Variants in CDR2L observed in about 807,000 individuals in gnomAD.
CDR2L encodes the protein cerebellar degeneration-related protein 2-like.
CDR2L carries 19 observed loss-of-function variants against 36.1 expected under a neutral mutation model. The observed-to-expected ratio is 0.53, with a 90% CI of 0.37 to 0.77. The LOEUF is 0.77. CDR2L is among the 30% of genes least tolerant of loss of function. The pLI is 0.00. For missense variants in CDR2L, 575 were observed against 627.2 expected, an observed-to-expected ratio of 0.92 and a Z score of 0.89; for synonymous variants, 285 against 280.4, an observed-to-expected ratio of 1.02 and a Z score of -0.16.
intron 1 of CDR2L, among the ~76,000 whole-genome samples, chr17:74,990,892 G>A (rs2039792740): frequency 6.6e-6 from 1 of 152,242 alleles, no homozygotes; most frequent in Admixed American, 6.5e-5. Context: ...GCCTGTGAGT[G>A]GCCCAGAAAT....
At chr17:74,997,521 A>G (rs2039836933) in intron 1 of CDR2L, among the ~76,000 whole-genome samples, 1 of 152,082 alleles carries the variant, frequency 6.6e-6, no homozygotes, top group African/African-American at 2.4e-5. Flanking sequence ...TAATCTTCCA[A>G]AAAGACAAAT....
chr17:74,993,845 C>T (rs2144858376), intron 1 of CDR2L, among the ~76,000 whole-genome samples: 1 of 152,358 alleles, frequency 6.6e-6, no homozygotes, highest in Admixed American at 6.5e-5. Flanking sequence ...AAACCCAGCC[C>T]TGGAGGCTCC....
chr17:74,991,477 G>C (rs1051028592), intron 1 of CDR2L, among the ~76,000 whole-genome samples: 1 of 151,326 alleles, frequency 6.6e-6, no homozygotes, highest in African/African-American at 2.4e-5. Flanking sequence ...CAGCACTTTG[G>C]GAGGCCGAGG....
chr17:75,001,588 C>T, intron 3 of CDR2L, 99 bp downstream of exon 3: 1 of 1,120,816 alleles, frequency 8.9e-7, no homozygotes, highest in Non-Finnish European at 1.2e-6. Flanking sequence ...TTGTGCACGT[C>T]TCCCTAGGAA....
Position 75,001,373 on chromosome 17 carries a change from C to G in CDR2L, c.225C>G (p.His75Gln), listed in dbSNP as rs1170314951. 4 of 1,610,888 alleles carry G rather than the reference C, an allele frequency of 2.5e-6. No homozygotes were observed. The highest frequency in any genetic ancestry group is 3.4e-6 in the Non-Finnish European group (4 of 1,178,860). ...CCAAGCAGCTGGACACGCTGCGGCA[C>G]GTGAACGAGCAGCACGCCAAAGTCT... ...YLTKQLDTLR[H>Q]VNEQHAKVYE... is the part of the protein sequence containing the mutation. Residue 75 changes from histidine (H) to glutamine (Q), a missense_variant, in exon 3 of 5, where the codon CAC (histidine) becomes CAG (glutamine). By Grantham distance (24) the His-to-Gln change is conservative (BLOSUM62 0). Transcript: ENST00000337231.
intron 1 of CDR2L, among the ~76,000 whole-genome samples, chr17:74,996,695 T>C (rs951420937): frequency 6.6e-6 from 1 of 152,048 alleles, no homozygotes; most frequent in Non-Finnish European, 1.5e-5. Flanking sequence ...TCATTTCCCT[T>C]GGACTGGGGT....
At chr17:74,990,846 C>A (rs1047680653) in intron 1 of CDR2L, among the ~76,000 whole-genome samples, 1 of 152,256 alleles carries the variant, frequency 6.6e-6, no homozygotes, top group Non-Finnish European at 1.5e-5. Flanking sequence ...CATCTCCCAA[C>A]CCACAAATTC....
At chr17:74,997,067 TCTTTCTTTCTTTCTTTC>T (rs751232965) in intron 1 of CDR2L, among the ~76,000 whole-genome samples, 12,035 of 43,536 alleles carry the variant, frequency 0.28, 2,045 homozygotes, top group East Asian at 0.52. Flanking sequence ...TTTCTTTCTT[TCTTTCTTTCTTTCTTTC>T]TTTTTTTTTT....
rs1232272915 is a variant in CDR2L at position 75,003,272 on chromosome 17, T to C, written c.596T>C (p.Val199Ala). 8 of 1,557,018 alleles carry C rather than the reference T, an allele frequency of 5.1e-6. No homozygotes were observed. Among genetic ancestry groups the C allele is most frequent in the Non-Finnish European group, 6.1e-6 (7 of 1,151,510 alleles). Residue 199 changes from valine (V) to alanine (A), a missense_variant, in exon 5 of 5, where the codon GTG (valine) becomes GCG (alanine). By Grantham distance (64) the Val-to-Ala change is moderately conservative. Transcript: ENST00000337231. ...GAGAACGAGCGGCTGCAGACCCTGG[T>C]GGGGGCGCTGCGCTCCCAGGTGAGC... The part of the protein sequence containing the change: ...EQENERLQTL[V>A]GALRSQVSQE...
chr17:74,997,878 G>A (rs1450731991), intron 1 of CDR2L, among the ~76,000 whole-genome samples: 2 of 149,476 alleles, frequency 1.3e-5, no homozygotes, highest in African/African-American at 2.5e-5. Context: ...GGGCGTGGTA[G>A]TGGGTGCCTG....
At chr17:74,998,181 C>G (rs186772940) in intron 1 of CDR2L, among the ~76,000 whole-genome samples, 1 of 151,714 alleles carries the variant, frequency 6.6e-6, no homozygotes, top group Non-Finnish European at 1.5e-5. Flanking sequence ...GCCAAGATCG[C>G]GCCACTGCAC....
chr17:75,002,047 C>T lies in CDR2L; in HGVS notation c.342-17C>T. 1 of 1,552,424 alleles carries T rather than the reference C, an allele frequency of 6.4e-7. No individual in the cohort carries two copies. Among genetic ancestry groups the T allele is most frequent in the Non-Finnish European group, 8.7e-7 (1 of 1,154,790 alleles). ...CATCCCCTTAAAGTCCCTGTGTGTC[C>T]ACCACCCCGCCCCCAGGCTGACGGA... On this transcript the variant is annotated splice_polypyrimidine_tract_variant and intron_variant, in intron 3 of 4. Coordinates refer to ENST00000337231, the MANE Select transcript of CDR2L (RefSeq NM_014603.3). This position sits in a 1 kb window ranked among gnomAD's most constrained non-coding sequence, Gnocchi z 4.1.
rs1335551216 is a variant in CDR2L at position 75,004,212 on chromosome 17, G to T, written c.*138G>T. On this transcript the variant is annotated 3_prime_UTR_variant, in exon 5 of 5. Transcript: ENST00000337231. ...CGGCCTCCTGATCCGGAAGCACGCA[G>T]CATGTTCCCTGCTGAGCGGAGGCAG... 2.7e-6 allele frequency: 2 copies of T among 734,910 alleles called. No homozygotes were observed. The highest frequency in any genetic ancestry group is 4.4e-6 in the Non-Finnish European group (2 of 457,976). The allele number at this position is 734,910 out of a possible 1,614,324, so 45.5% of individuals were successfully genotyped here.
At chr17:75,001,025 G>A (rs951710491) in intron 2 of CDR2L, among the ~76,000 whole-genome samples, 1 of 151,666 alleles carries the variant, frequency 6.6e-6, no homozygotes, top group African/African-American at 2.4e-5. Context: ...CTTGAGGTCA[G>A]GAGTTCAAGA....
rs2039872270 is a variant in CDR2L at position 75,002,295 on chromosome 17, AGCAGGGT to A, written c.506+72_506+78del. ...ATGGGAGGAAGGAGAGGCAGCAGGC[AGCAGGGT>A]GCAGTTGGTGCATCATCCAGGCCAT... On this transcript the variant is annotated intron_variant, in intron 4 of 4. Coordinates refer to ENST00000337231, the MANE Select transcript of CDR2L (RefSeq NM_014603.3). This position sits in a 1 kb window ranked among gnomAD's most constrained non-coding sequence, Gnocchi z 4.1. 7.0e-7 allele frequency: 1 copy of A among 1,422,134 alleles called. No individual in the cohort carries two copies. Among genetic ancestry groups the A allele is most frequent in the South Asian group, 1.2e-5 (1 of 80,240 alleles). The allele number at this position is 1,422,134 out of a possible 1,614,324, so 88.1% of individuals were successfully genotyped here.
At position 75,003,250 on chromosome 17, in the gene CDR2L, A is replaced by G. The variant is rs1378745508; in HGVS notation, c.574A>G (p.Asn192Asp). ...ELGPRPLEQE[N>D]ERLQTLVGAL... ...GGGCCCGCGGCCCCTGGAGCAGGAG[A>G]ACGAGCGGCTGCAGACCCTGGTGGG... Residue 192 changes from asparagine to aspartate, a missense_variant, in exon 5 of 5, where the codon AAC becomes GAC. Coordinates refer to ENST00000337231, the MANE Select transcript of CDR2L (RefSeq NM_014603.3). 6.4e-7 allele frequency: 1 copy of G among 1,561,962 alleles called. No individual in the cohort carries two copies. The highest frequency in any genetic ancestry group is 1.4e-5 in the African/African-American group (1 of 73,528).
intron 2 of CDR2L, among the ~76,000 whole-genome samples, 176 bp downstream of exon 2, chr17:74,999,792 C>A (rs1175783357): frequency 6.6e-6 from 1 of 150,464 alleles, no homozygotes; most frequent in Non-Finnish European, 1.5e-5. Context: ...TCAGGCAGCC[C>A]TATTGCACAA....
In CDR2L at chr17:75,004,047, CA is replaced by C. The variant is rs1567976516; in HGVS notation, c.1374del (p.Val459SerfsTer105). ...AGACCAAGGCTGACATCAACGCCACCAAAGTCAAGACGCACAGCAGCAAGTG... is the reference window on the plus strand; with the variant it reads ...AGACCAAGGCTGACATCAACGCCACCAAGTCAAGACGCACAGCAGCAAGTG... ...QKTKADINAT[K>X]VKTHSSK is the part of the protein sequence containing the mutation. On this transcript the variant is annotated frameshift_variant, in exon 5 of 5. Transcript: ENST00000337231. LOFTEE classifies it high-confidence loss of function. 6.2e-7 allele frequency: 1 copy of C among 1,610,444 alleles called. No individual in the cohort carries two copies. The highest frequency in any genetic ancestry group is 1.1e-5 in the South Asian group (1 of 90,650).
At chr17:74,993,071 G>A (rs556112728) in intron 1 of CDR2L, among the ~76,000 whole-genome samples, 1 of 152,186 alleles carries the variant, frequency 6.6e-6, no homozygotes, top group Non-Finnish European at 1.5e-5. Flanking sequence ...CAGTTTCCAA[G>A]GGGGAAAACA....
Sources: allele counts gnomAD v4.1 joint callset (sites outside exome capture counted in the v4.1 genomes callset), GRCh38; gene constraint gnomAD v4.1.1; non-coding constraint Gnocchi (gnomAD v3.1); transcripts MANE v1.5; gene names NCBI Gene and HGNC (gene_info 2026-07-23, HGNC 2026-07-21).